NMT2: variants seen among roughly 807,000 people sequenced by gnomAD.
The protein encoded by NMT2 is glycylpeptide N-tetradecanoyltransferase 2.
A neutral mutation model predicts 65.4 loss-of-function variants in NMT2; 35 were observed. The ratio of observed to expected loss-of-function variants is 0.54; its 90% CI spans 0.41 to 0.71. The LOEUF (loss-of-function observed/expected upper bound fraction) is 0.71. Among genes scored for constraint, NMT2 ranks in the 30% least tolerant of loss-of-function variants. The pLI is 0.00. For missense variants in NMT2, 489 were observed against 611.3 expected, an observed-to-expected ratio of 0.80 and a Z score of 2.11; for synonymous variants, 226 against 231.8, an observed-to-expected ratio of 0.98 and a Z score of 0.23.
At chr10:15,112,543 A>G (rs1451392065) in intron 10 of NMT2, among the ~76,000 whole-genome samples, 1 of 151,936 alleles carries the variant, frequency 6.6e-6, no homozygotes, top group African/African-American at 2.4e-5. Flanking sequence ...ATATTCTTAT[A>G]TAAGGATTAA....
chr10:15,133,414 A>G, intron 3 of NMT2, 51 bp from the exon 4 acceptor site: 2 of 1,386,508 alleles, frequency 1.4e-6, no homozygotes, highest in South Asian at 1.2e-5. Context: ...GAGAATATTA[A>G]ATGACAAAGT....
At position 15,168,643 on chromosome 10, in the gene NMT2, C is replaced by T. The variant is rs770759699; in HGVS notation, c.-31G>A. ...CGGCGCTGGCTGGGGAGGCGGTGCT[C>T]GGGGCCGGGCCGGAGCGGCCGCAGC... On this transcript the variant is annotated 5_prime_UTR_variant, in exon 1 of 12. Transcript: ENST00000378165. 2.7e-5 allele frequency: 41 copies of T among 1,542,050 alleles called. No individual in the cohort carries two copies. In the Admixed American group the frequency reaches 7.0e-4, roughly 26 times the overall value.
intron 8 of NMT2, among the ~76,000 whole-genome samples, chr10:15,125,727 C>T (rs567594333): frequency 1.1e-4 from 17 of 152,208 alleles, no homozygotes; most frequent in South Asian, 8.3e-4. Context: ...AGTGCAATGG[C>T]GTGATCTCAG....
chr10:15,115,520 A>C (rs1372853762), intron 9 of NMT2, among the ~76,000 whole-genome samples: 2 of 152,188 alleles, frequency 1.3e-5, no homozygotes, highest in Non-Finnish European at 2.9e-5. Context: ...GCAAGGCAAG[A>C]AAAAAGAAAC....
chr10:15,163,501 G>T (rs1357574596), intron 1 of NMT2, among the ~76,000 whole-genome samples: 2 of 152,174 alleles, frequency 1.3e-5, no homozygotes, highest in African/African-American at 4.8e-5. Context: ...AGTAGTTCTT[G>T]ATTTGAGGAG....
chr10:15,133,727 G>C (rs1272910852), intron 3 of NMT2, among the ~76,000 whole-genome samples: 1 of 152,050 alleles, frequency 6.6e-6, no homozygotes, highest in Non-Finnish European at 1.5e-5. Flanking sequence ...GCTGGGACTA[G>C]AGTTGTACAA....
chr10:15,128,436 G>T lies in NMT2; in HGVS notation c.913C>A (p.Pro305Thr). Residue 305 changes from proline (P) to threonine (T), a missense_variant, in exon 8 of 12, where the codon CCC (proline) becomes ACC (threonine). Physicochemically the swap from Pro to Thr is conservative, Grantham distance 38. Coordinates refer to ENST00000378165, the MANE Select transcript of NMT2 (RefSeq NM_004808.3). ...AATTTCACTTCTACCAATTTTCTGGGGTTTAGTGATCGATGCCAGTATCTG... is the reference window on the plus strand; with the variant it reads ...AATTTCACTTCTACCAATTTTCTGGTGTTTAGTGATCGATGCCAGTATCTG... ...TCRYWHRSLNPRKLVEVKFSH... is the reference protein window; with the variant it reads ...TCRYWHRSLNTRKLVEVKFSH... The T allele has an allele frequency of 6.2e-7, 1 of 1,606,560 alleles. No homozygotes were observed. Among genetic ancestry groups the T allele is most frequent in the Non-Finnish European group, 8.5e-7 (1 of 1,173,490 alleles).
chr10:15,161,044 T>C (rs1460201952), intron 1 of NMT2, among the ~76,000 whole-genome samples: 2 of 117,052 alleles, frequency 1.7e-5, no homozygotes, highest in African/African-American at 6.7e-5. Context: ...GAGACCAGCC[T>C]GGCCTGGGTG....
chr10:15,121,723 G>T (rs1480927871), intron 8 of NMT2, among the ~76,000 whole-genome samples: 1 of 152,102 alleles, frequency 6.6e-6, no homozygotes, highest in Non-Finnish European at 1.5e-5. Flanking sequence ...GCTGTGCTGG[G>T]GTTTCTAAGC....
intron 1 of NMT2, chr10:15,155,293 T>A (rs777461783): frequency 7.3e-7 from 1 of 1,372,618 alleles, no homozygotes; most frequent in Non-Finnish European, 1.0e-6. Flanking sequence ...TTGATGGCGA[T>A]GTTGAAGAAC....
chr10:15,123,557 A>C (rs554760700), intron 8 of NMT2, among the ~76,000 whole-genome samples: 1 of 147,638 alleles, frequency 6.8e-6, no homozygotes, highest in South Asian at 2.1e-4. Context: ...AAAAAAAAAG[A>C]AATAACTTTT....
At position 15,108,248 on chromosome 10, in the gene NMT2, C is replaced by G. The variant is rs1455879554; in HGVS notation, c.*947G>C. On this transcript the variant is annotated 3_prime_UTR_variant, in exon 12 of 12. Transcript: ENST00000378165. ...TGTCACCCAGGCTGGAGTGCAGTGG[C>G]TCGATCTCGGCTCACTGCAACCTCA... The G allele has an allele frequency of 1.1e-6, 1 of 914,402 alleles. No individual in the cohort carries two copies. The allele number at this position is 914,402 out of a possible 1,614,324, so 56.6% of individuals were successfully genotyped here.
intron 2 of NMT2, among the ~76,000 whole-genome samples, chr10:15,137,650 T>G (rs1238444177): frequency 6.6e-6 from 1 of 152,224 alleles, no homozygotes; most frequent in African/African-American, 2.4e-5. Context: ...AATGGCAAAG[T>G]AGAGCCCAGT....
chr10:15,115,164 C>T (rs1845703633), intron 9 of NMT2, among the ~76,000 whole-genome samples: 1 of 152,060 alleles, frequency 6.6e-6, no homozygotes. Context: ...AATCTTGAAG[C>T]ATCAGGAAGG....
intron 1 of NMT2, among the ~76,000 whole-genome samples, chr10:15,166,299 T>A (rs1833376699): frequency 6.6e-6 from 1 of 152,204 alleles, no homozygotes; most frequent in South Asian, 2.1e-4. Flanking sequence ...GGCCTCAAAT[T>A]GACAAACTGC....
chr10:15,161,850 G>T (rs1474301904), intron 1 of NMT2, among the ~76,000 whole-genome samples: 1 of 152,172 alleles, frequency 6.6e-6, no homozygotes, highest in African/African-American at 2.4e-5. Context: ...GAAATGAAAA[G>T]AAGTCAAAAT....
chr10:15,154,160 G>A (rs1397242106), intron 1 of NMT2, among the ~76,000 whole-genome samples: 1 of 152,210 alleles, frequency 6.6e-6, no homozygotes, highest in Non-Finnish European at 1.5e-5. Flanking sequence ...TGGTGCAGGT[G>A]CTGTGGGATG....
chr10:15,166,843 C>A (rs1306938795), intron 1 of NMT2, among the ~76,000 whole-genome samples: 2 of 152,180 alleles, frequency 1.3e-5, no homozygotes, highest in African/African-American at 4.8e-5. Flanking sequence ...AGGCTCAGAT[C>A]AATGCGCACA....
intron 3 of NMT2, among the ~76,000 whole-genome samples, chr10:15,134,791 A>G (rs12218721): frequency 0.16 from 24,599 of 151,974 alleles, 3,478 homozygotes; most frequent in African/African-American, 0.39. Flanking sequence ...GACCAGCCCA[A>G]GCAACATACT....
Sources: allele counts gnomAD v4.1 joint callset (sites outside exome capture counted in the v4.1 genomes callset), GRCh38; gene constraint gnomAD v4.1.1; transcripts MANE v1.5; gene names NCBI Gene and HGNC (gene_info 2026-07-23, HGNC 2026-07-21).